NSUN2: variants seen among roughly 807,000 people sequenced by gnomAD.
NSUN2 encodes RNA cytosine C(5)-methyltransferase NSUN2.
Under a neutral mutation model 92.7 loss-of-function variants are expected in NSUN2, and 63 were observed. That is an observed-to-expected ratio of 0.68 (90% CI 0.56 to 0.84). NSUN2 has a LOEUF of 0.84. Ranked by LOEUF, NSUN2 falls within the 40% of genes least tolerant of loss-of-function variation. The probability of loss-of-function intolerance (pLI) is 0.00; values close to 1 mark genes in which losing one functional copy is unlikely to be tolerated. For synonymous variants in NSUN2, 356 were observed against 348.3 expected, an observed-to-expected ratio of 1.02 and a Z score of -0.25; for missense variants, 989 against 964.9, an observed-to-expected ratio of 1.02 and a Z score of -0.33.
At chr5:6,620,569 C>T (rs1045285860) in intron 6 of NSUN2, 17 of 315,328 alleles carry the variant, frequency 5.4e-5, no homozygotes, top group African/African-American at 3.0e-4. Flanking sequence ...CCAAAAATGT[C>T]TTTTCTGTTA....
chr5:6,611,716 A>G lies in NSUN2; in HGVS notation c.1095+9T>C. 1 of 1,613,628 alleles carries G rather than the reference A, an allele frequency of 6.2e-7. No individual in the cohort carries two copies. The highest frequency in any genetic ancestry group is 8.5e-7 in the Non-Finnish European group (1 of 1,179,550). On this transcript the variant is annotated intron_variant, in intron 10 of 18. Coordinates refer to ENST00000264670, the MANE Select transcript of NSUN2 (RefSeq NM_017755.6). ...CTCTTTAGAATGAAAGTTCTCGAGGAAAGGTTACCTTCCACTGTGTGATTC... is the reference window on the plus strand; with the variant it reads ...CTCTTTAGAATGAAAGTTCTCGAGGGAAGGTTACCTTCCACTGTGTGATTC...
At position 6,617,899 on chromosome 5, in the gene NSUN2, TCTG is replaced by T. The variant is rs927376057; in HGVS notation, c.890+48_890+50del. ...ATGCTCACTTGCATAACAATAAATC[TCTG>T]CTGATCTACTTGTCACACAGTGTTA... On this transcript the variant is annotated intron_variant, in intron 8 of 18. Coordinates refer to ENST00000264670, the MANE Select transcript of NSUN2 (RefSeq NM_017755.6). 8 of 1,385,754 alleles carry T rather than the reference TCTG, an allele frequency of 5.8e-6. No individual in the cohort carries two copies. The African/African-American group carries it at 8.6e-5, about 15-fold the overall frequency. The allele number at this position is 1,385,754 out of a possible 1,614,324, so 85.8% of individuals were successfully genotyped here. A position where few individuals can be genotyped will look rare whatever the true frequency, so the allele number is the denominator to read the frequency against.
chr5:6,610,961 T>C lies in NSUN2; in HGVS notation c.1220A>G (p.Glu407Gly), dbSNP rs1287945381. Reference protein sequence around the residue: ...DPEKLQAMHLERCLRILPHHQ... With the variant: ...DPEKLQAMHLGRCLRILPHHQ... Reference sequence around the variant, plus strand: ...GGAGGCCCCACCAGCTCACCATCGCTCCAGGTGCATGGCCTGCAGCTTTTC... The same window carrying C: ...GGAGGCCCCACCAGCTCACCATCGCCCCAGGTGCATGGCCTGCAGCTTTTC... Residue 407 changes from glutamate to glycine, a missense_variant, in exon 11 of 19, where the codon GAG (glutamate) becomes GGG (glycine). By Grantham distance (98) the Glu-to-Gly change is moderately conservative. This residue lies in a region of NSUN2 where 626 missense variants were observed against 602.3 expected (regional missense o/e 1.04). Coordinates refer to ENST00000264670, the MANE Select transcript of NSUN2 (RefSeq NM_017755.6). 1 of 1,613,996 alleles carries C rather than the reference T, an allele frequency of 6.2e-7. No homozygotes were observed. Among genetic ancestry groups the C allele is most frequent in the African/African-American group, 1.3e-5 (1 of 75,012 alleles).
At chr5:6,603,676 C>T (rs928142471) in intron 17 of NSUN2, among the ~76,000 whole-genome samples, 1 of 152,112 alleles carries the variant, frequency 6.6e-6, no homozygotes, top group African/African-American at 2.4e-5. Flanking sequence ...GGTGACAGAG[C>T]GAGACTCTGT....
At chr5:6,600,392 AGG>A (rs1421152459) in intron 18 of NSUN2, among the ~76,000 whole-genome samples, 160 bp from the exon 19 acceptor site, 1 of 152,214 alleles carries the variant, frequency 6.6e-6, no homozygotes, top group Non-Finnish European at 1.5e-5. Context: ...TCCGAGGGGT[AGG>A]TTTTCTCAAA....
chr5:6,633,020 G>C lies in NSUN2; in HGVS notation c.-41C>G. ...GCACGCAGCACGCAGAAACCGGCCCGCCACGGCCAGAACTCTAGCCCTACA... is the reference window on the plus strand; with the variant it reads ...GCACGCAGCACGCAGAAACCGGCCCCCCACGGCCAGAACTCTAGCCCTACA... On this transcript the variant is annotated 5_prime_UTR_variant, in exon 1 of 19. Transcript: ENST00000264670. 7.1e-7 allele frequency: 1 copy of C among 1,410,368 alleles called. No homozygotes were observed. Among genetic ancestry groups the C allele is most frequent in the Non-Finnish European group, 9.2e-7 (1 of 1,092,062 alleles). The allele number at this position is 1,410,368 out of a possible 1,614,324, so 87.4% of individuals were successfully genotyped here. A position where few individuals can be genotyped will look rare whatever the true frequency, so the allele number is the denominator to read the frequency against.
At chr5:6,615,838 A>T (rs960713292) in intron 9 of NSUN2, among the ~76,000 whole-genome samples, 1 of 152,286 alleles carries the variant, frequency 6.6e-6, no homozygotes. Context: ...ACATTCTGGC[A>T]AAACATAAAA....
chr5:6,618,524 T>G (rs1737305186), intron 7 of NSUN2, among the ~76,000 whole-genome samples: 1 of 152,174 alleles, frequency 6.6e-6, no homozygotes, highest in Non-Finnish European at 1.5e-5. Context: ...TATTTTCATG[T>G]TTTTCAGAAC....
chr5:6,613,863 G>A (rs765882312), intron 9 of NSUN2, among the ~76,000 whole-genome samples: 7 of 152,076 alleles, frequency 4.6e-5, no homozygotes, highest in South Asian at 2.1e-4. Flanking sequence ...TTGGGAGGCC[G>A]AGGTGGGAAG....
At chr5:6,627,961 T>C (rs1238656856) in intron 3 of NSUN2, among the ~76,000 whole-genome samples, 1 of 152,264 alleles carries the variant, frequency 6.6e-6, no homozygotes, top group East Asian at 1.9e-4. Flanking sequence ...AAAGGACCAC[T>C]GTCATCTTTG....
intron 3 of NSUN2, among the ~76,000 whole-genome samples, chr5:6,630,627 G>A (rs760786940): frequency 2.0e-5 from 3 of 152,166 alleles, no homozygotes; most frequent in Admixed American, 6.5e-5. Flanking sequence ...GAATGTATAT[G>A]CTTATCTGTG....
chr5:6,616,372 G>C (rs939053555), intron 9 of NSUN2, among the ~76,000 whole-genome samples: 8 of 152,200 alleles, frequency 5.3e-5, no homozygotes, highest in Admixed American at 5.2e-4. Context: ...GAGCCTCAAG[G>C]ACGCTGCAGT....
intron 17 of NSUN2, 92 bp from the exon 18 acceptor site, chr5:6,602,592 T>C (rs1560970371): frequency 1.8e-6 from 2 of 1,137,756 alleles, no homozygotes; most frequent in Non-Finnish European, 2.7e-6. Flanking sequence ...GTGTTAAGTA[T>C]TCTGAAGAAA....
intron 10 of NSUN2, among the ~76,000 whole-genome samples, chr5:6,611,473 T>A (rs908023958): frequency 5.1e-4 from 31 of 60,390 alleles, no homozygotes; most frequent in Non-Finnish European, 1.0e-3. Context: ...AAAGCAAAGC[T>A]ACCCTTACAG....
chr5:6,615,856 T>C (rs1737188508), intron 9 of NSUN2, among the ~76,000 whole-genome samples: 1 of 152,210 alleles, frequency 6.6e-6, no homozygotes, highest in Non-Finnish European at 1.5e-5. Context: ...AAAGGAGAAA[T>C]ATTTTATATC....
At position 6,622,095 on chromosome 5, in the gene NSUN2, T is replaced by A; in HGVS notation, c.543A>T (p.Leu181Phe). The stretch of plus-strand genomic sequence containing the variant: ...TTGAGCCAGGTGCTGCACACATATC[T>A]AAGATCTATTAACAAAGCAAGAAAC... ...LLNVRPHHKILDMCAAPGSKT... is the reference protein window; with the variant it reads ...LLNVRPHHKIFDMCAAPGSKT... The change falls in exon 6 of 19, where the codon TTA (leucine) becomes TTT (phenylalanine). Residue 181 changes from leucine to phenylalanine, a missense_variant. Leu to Phe is a conservative substitution (Grantham distance 22, BLOSUM62 0). Coordinates refer to ENST00000264670, the MANE Select transcript of NSUN2 (RefSeq NM_017755.6). 2 of 1,611,428 alleles carry A rather than the reference T, an allele frequency of 1.2e-6. No individual in the cohort carries two copies. Among genetic ancestry groups the A allele is most frequent in the Non-Finnish European group, 8.5e-7 (1 of 1,178,006 alleles).
intron 4 of NSUN2, 98 bp from the exon 5 acceptor site, chr5:6,623,383 G>A: frequency 3.0e-6 from 3 of 989,648 alleles, no homozygotes; most frequent in Non-Finnish European, 4.4e-6. Context: ...CAGGAAAACA[G>A]CACATAATCT....
intron 9 of NSUN2, among the ~76,000 whole-genome samples, chr5:6,612,008 C>T (rs1373192855): frequency 6.6e-6 from 1 of 152,160 alleles, no homozygotes; most frequent in Non-Finnish European, 1.5e-5. Flanking sequence ...GGAGCAAGTG[C>T]TGTTGGGCAG....
Position 6,600,120 on chromosome 5 carries a change from GC to G in NSUN2, c.2109del (p.Leu704TrpfsTer29). 6.2e-7 allele frequency: 1 copy of G among 1,614,090 alleles called. No individual in the cohort carries two copies. ...TTCTTCTTTTCTCCCAATACCTCCA[GC>G]CCCATCATCCTGAGATAATGAAGCC... is the stretch of plus-strand genomic sequence containing the variant. ...NERLHYLRMM[G>X]LEVLGEKKKE... is the part of the protein sequence containing the mutation. On this transcript the variant is annotated frameshift_variant, in exon 19 of 19. Transcript: ENST00000264670. LOFTEE classifies it low-confidence loss of function (END_TRUNC).
Sources: allele counts gnomAD v4.1 joint callset (sites outside exome capture counted in the v4.1 genomes callset), GRCh38; gene constraint gnomAD v4.1.1; regional missense constraint gnomAD v4.1.1; transcripts MANE v1.5; gene names NCBI Gene and HGNC (gene_info 2026-07-23, HGNC 2026-07-21).